Variants in TECTA observed in about 807,000 individuals in gnomAD.
The protein encoded by TECTA is alpha-tectorin.
In TECTA, 128 loss-of-function variants were observed where a neutral mutation model predicts 216.8. The ratio of observed to expected loss-of-function variants is 0.59; its 90% CI spans 0.51 to 0.68. The LOEUF is 0.68. Among genes scored for constraint, TECTA ranks in the 30% least tolerant of loss-of-function variants. The pLI, the probability that TECTA is intolerant of heterozygous loss-of-function variation, is 0.00. For synonymous variants in TECTA, 1,089 were observed against 1,117.1 expected (o/e 0.97, Z 0.50); for missense variants, 2,551 against 2,786.2 (o/e 0.92, Z 1.90).
At chr11:121,168,953 C>G in intron 20 of TECTA, 28 bp downstream of exon 20, 1 of 1,613,880 alleles carries the variant, frequency 6.2e-7, no homozygotes, top group Non-Finnish European at 8.5e-7. Flanking sequence ...AGACAACATT[C>G]TCAGAGCTTC....
At chr11:121,131,548 A>G (rs73601425) in intron 10 of TECTA, among the ~76,000 whole-genome samples, 1 of 152,180 alleles carries the variant, frequency 6.6e-6, no homozygotes, top group African/African-American at 2.4e-5. Context: ...AAATCAGGAT[A>G]TTGCCATTGA....
intron 4 of TECTA, among the ~76,000 whole-genome samples, chr11:121,111,219 T>A (rs993820198): frequency 6.6e-6 from 1 of 152,134 alleles, no homozygotes; most frequent in Admixed American, 6.5e-5. Flanking sequence ...CCCAAAATGT[T>A]CCCGGACAAG....
chr11:121,169,763 A>C (rs1947092655), intron 20 of TECTA, among the ~76,000 whole-genome samples: 1 of 152,182 alleles, frequency 6.6e-6, no homozygotes, highest in Non-Finnish European at 1.5e-5. Flanking sequence ...TATTTATGGA[A>C]TAGATGTGAT....
intron 7 of TECTA, among the ~76,000 whole-genome samples, chr11:121,119,580 C>T (rs1946537214): frequency 6.6e-6 from 1 of 152,210 alleles, no homozygotes; most frequent in South Asian, 2.1e-4. Context: ...TTTATTCAAG[C>T]AGTAATAACC....
chr11:121,127,036 C>A lies in TECTA; in HGVS notation c.1775-716C>A, dbSNP rs1369364232. On this transcript the variant is annotated intron_variant, in intron 8 of 23. Transcript: ENST00000392793. The surrounding 1 kb of genome is among the most constrained non-coding windows in gnomAD (Gnocchi z 5.0). The stretch of plus-strand genomic sequence containing the variant: ...GAGCTAGTTTGCTAGGCCCCTGAGC[C>A]CCTGCTTGTTGGATTCAACCAGACT... Among the ~76,000 whole-genome samples, 1 of 152,162 alleles carries A rather than the reference C, an allele frequency of 6.6e-6. No individual in the cohort carries two copies. The highest frequency in any genetic ancestry group is 1.5e-5 in the Non-Finnish European group (1 of 68,024).
chr11:121,145,305 G>T (rs193102380), intron 11 of TECTA, among the ~76,000 whole-genome samples: 1 of 152,282 alleles, frequency 6.6e-6, no homozygotes, highest in African/African-American at 2.4e-5. Flanking sequence ...ACTCCTGGGG[G>T]AAATAATGCT....
At chr11:121,178,748 C>T (rs921309533) in intron 20 of TECTA, among the ~76,000 whole-genome samples, 24 of 152,032 alleles carry the variant, frequency 1.6e-4, no homozygotes, top group African/African-American at 5.6e-4. Flanking sequence ...TGCTGAGAGA[C>T]ATTTTGTTCC....
Position 121,105,794 on chromosome 11 carries a change from G to C in TECTA, c.65-37G>C, listed in dbSNP as rs931472196. 6.2e-7 allele frequency: 1 copy of C among 1,613,474 alleles called. No homozygotes were observed. The highest frequency in any genetic ancestry group is 1.3e-5 in the African/African-American group (1 of 74,908). On this transcript the variant is annotated intron_variant, in intron 2 of 23. Coordinates refer to ENST00000392793, the MANE Select transcript of TECTA (RefSeq NM_005422.4). This position sits in a 1 kb window ranked among gnomAD's most constrained non-coding sequence, Gnocchi z 5.3. ...GATGTAGATTGCCAAACGGCAGAGG[G>C]AGCTGCCATCTATCTAACCATCATC...
chr11:121,181,477 T>TA (rs58121293), intron 20 of TECTA, among the ~76,000 whole-genome samples: 12 of 149,148 alleles, frequency 8.0e-5, no homozygotes, highest in Non-Finnish European at 1.0e-4. Flanking sequence ...TTATTATGAT[T>TA]TTATTTTTTG....
chr11:121,103,876 G>A (rs575887733), intron 2 of TECTA, among the ~76,000 whole-genome samples: 3 of 152,112 alleles, frequency 2.0e-5, no homozygotes, highest in East Asian at 1.9e-4. Context: ...TTAACAGTCC[G>A]TTCTTTCCTA....
chr11:121,175,061 G>A (rs999786177), intron 20 of TECTA, among the ~76,000 whole-genome samples: 106 of 151,932 alleles, frequency 7.0e-4, no homozygotes, highest in African/African-American at 2.2e-3. Context: ...TTTTTATTGC[G>A]TCTATTTGAT....
At chr11:121,156,996 A>C (rs1402737022) in intron 13 of TECTA, among the ~76,000 whole-genome samples, 1 of 152,204 alleles carries the variant, frequency 6.6e-6, no homozygotes, top group Non-Finnish European at 1.5e-5. Flanking sequence ...AGGTACTTCC[A>C]TCAGAAGTAA....
At position 121,175,685 on chromosome 11, in the gene TECTA, A is replaced by G. The variant is rs564000509; in HGVS notation, c.5999+6760A>G. 9.9e-5 allele frequency among the ~76,000 whole-genome samples: 15 copies of G among 152,216 alleles called. No homozygotes were observed. The South Asian group carries it at 3.1e-3, about 32-fold the overall frequency. On this transcript the variant is annotated intron_variant, in intron 20 of 23. Coordinates refer to ENST00000392793, the MANE Select transcript of TECTA (RefSeq NM_005422.4). ...TATATTCTGTTGATTTGGGGCGGAG[A>G]GTTCTGTAGATGTCTATTAGGTCTG...
At chr11:121,182,251 G>A (rs649404) in intron 20 of TECTA, among the ~76,000 whole-genome samples, 9,399 of 152,018 alleles carry the variant, frequency 0.062, 960 homozygotes, top group African/African-American at 0.21. Flanking sequence ...GGCCCTAAGT[G>A]GTGTGTGTGG....
chr11:121,128,400 G>T (rs1946638414), intron 9 of TECTA, 56 bp downstream of exon 9: 1 of 1,541,602 alleles, frequency 6.5e-7, no homozygotes, highest in Non-Finnish European at 8.8e-7. Context: ...AGGAGGAGGA[G>T]CTCGCCATCC....
In TECTA at chr11:121,134,639, C is replaced by A. The variant is rs548503720; in HGVS notation, c.2942-2782C>A. Among the ~76,000 whole-genome samples, 179 of 152,148 alleles carry A rather than the reference C, an allele frequency of 1.2e-3. 1 individual carries two copies. In the Middle Eastern group the frequency reaches 0.014, roughly 12 times the overall value. ...CTATCTCCAGCTTATCCAACACGATCTCTGTTTCTGCTCCCACATTGAGCC... is the reference window on the plus strand; with the variant it reads ...CTATCTCCAGCTTATCCAACACGATATCTGTTTCTGCTCCCACATTGAGCC... On this transcript the variant is annotated intron_variant, in intron 10 of 23. Coordinates refer to ENST00000392793, the MANE Select transcript of TECTA (RefSeq NM_005422.4).
chr11:121,112,426 C>T lies in TECTA; in HGVS notation c.487-646C>T, dbSNP rs1310510215. On this transcript the variant is annotated intron_variant, in intron 4 of 23. Transcript: ENST00000392793. Reference sequence around the variant, plus strand: ...ATAGGCGTGGGCCAATACGATCACCCGTCTTAGCGTTGGTCTGGGGTACAG... The same window carrying T: ...ATAGGCGTGGGCCAATACGATCACCTGTCTTAGCGTTGGTCTGGGGTACAG... Among the ~76,000 whole-genome samples, 11 of 152,184 alleles carry T rather than the reference C, an allele frequency of 7.2e-5. No individual in the cohort carries two copies. In the East Asian group the frequency reaches 1.3e-3, roughly 19 times the overall value.
rs1418483226 is a variant in TECTA, at chr11:121,128,427, T to C, written c.2367+83T>C. 4.5e-6 allele frequency: 6 copies of C among 1,333,768 alleles called. No individual in the cohort carries two copies. The Admixed American group carries it at 6.1e-5, about 14-fold the overall frequency. The allele number at this position is 1,333,768 out of a possible 1,614,324, so 82.6% of individuals were successfully genotyped here. The stretch of plus-strand genomic sequence containing the variant: ...TCGCCATCCTCTTCAGGTTTGCCTT[T>C]CTGCCTCTGCCTATGAGTGGATTTT... On this transcript the variant is annotated intron_variant, in intron 9 of 23. Transcript: ENST00000392793.
In TECTA at chr11:121,166,678, G is replaced by A; in HGVS notation, c.5484G>A (p.Glu1828=). ...CKLFQLGFER[E]GVRINDRQCT... Reference sequence around the variant, plus strand: ...TCTTCCAGCTCGGTTTTGAGAGGGAGGGCGTGAGGATCAATGACAGACAGT... The same window carrying A: ...TCTTCCAGCTCGGTTTTGAGAGGGAAGGCGTGAGGATCAATGACAGACAGT... The change falls in exon 18 of 24, where the codon GAG becomes GAA. Residue 1828 remains glutamate, a synonymous_variant. Coordinates refer to ENST00000392793, the MANE Select transcript of TECTA (RefSeq NM_005422.4). 1 of 1,614,196 alleles carries A rather than the reference G, an allele frequency of 6.2e-7. No individual in the cohort carries two copies. Among genetic ancestry groups the A allele is most frequent in the Non-Finnish European group, 8.5e-7 (1 of 1,180,036 alleles).
Sources: gnomAD v4.1 joint callset for allele counts (sites outside exome capture counted in the v4.1 genomes callset) on GRCh38, gnomAD v4.1.1 for gene constraint, Gnocchi (gnomAD v3.1) non-coding constraint, MANE v1.5 for transcripts, NCBI Gene and HGNC (gene_info 2026-07-23, HGNC 2026-07-21) for gene names.